The following LHX9 variants were observed in gnomAD, a reference collection of about 807,000 sequenced individuals.
LHX9 encodes the protein LIM homeobox 9, also known as LIM/homeobox protein Lhx9.
LHX9 carries 9 observed loss-of-function variants against 36.5 expected under a neutral mutation model. The ratio of observed to expected loss-of-function variants is 0.25; its 90% CI spans 0.15 to 0.43. LHX9 has a LOEUF of 0.43. Among genes scored for constraint, LHX9 ranks in the 20% least tolerant of loss-of-function variants. The pLI is 1.00. For synonymous variants in LHX9, 211 were observed against 212.1 expected, an observed-to-expected ratio of 0.99 and a Z score of 0.04; for missense variants, 464 against 526.4, an observed-to-expected ratio of 0.88 and a Z score of 1.16.
At position 197,921,714 on chromosome 1, in the gene LHX9, G is replaced by T; in HGVS notation, c.733+55G>T. The T allele has an allele frequency of 1.4e-6, 2 of 1,397,338 alleles. No homozygotes were observed. Among genetic ancestry groups the T allele is most frequent in the African/African-American group, 1.4e-5 (1 of 70,036 alleles). The allele number at this position is 1,397,338 out of a possible 1,614,324, so 86.6% of individuals were successfully genotyped here. On this transcript the variant is annotated intron_variant, in intron 3 of 4. Transcript: ENST00000367387. The surrounding 1 kb of genome is among the most constrained non-coding windows in gnomAD (Gnocchi z 4.6). Reference sequence around the variant, plus strand: ...GCCCCGGCCTCCCTGAGGAAAATTCGTAGAGCTCCTTCCCCGTCCAAAGTC... The same window carrying T: ...GCCCCGGCCTCCCTGAGGAAAATTCTTAGAGCTCCTTCCCCGTCCAAAGTC...
At chr1:197,919,899 C>T in intron 1 of LHX9, 73 bp from the exon 2 acceptor site, 1 of 1,524,148 alleles carries the variant, frequency 6.6e-7, no homozygotes, top group Non-Finnish European at 9.0e-7. Flanking sequence ...GCTTGGTCTG[C>T]CTGGGGGAGA....
chr1:197,925,519 C>A (rs534190215), intron 3 of LHX9, among the ~76,000 whole-genome samples: 2 of 35,768 alleles, frequency 5.6e-5, no homozygotes, highest in South Asian at 5.2e-3. Flanking sequence ...CTAACATGTG[C>A]CCCTTTGACT....
Position 197,921,685 on chromosome 1 carries a change from C to A in LHX9, c.733+26C>A. 5 of 1,519,124 alleles carry A rather than the reference C, an allele frequency of 3.3e-6. No individual in the cohort carries two copies. The highest frequency in any genetic ancestry group is 1.3e-5 in the South Asian group (1 of 79,958). The allele number at this position is 1,519,124 out of a possible 1,614,324, so 94.1% of individuals were successfully genotyped here. On this transcript the variant is annotated intron_variant, in intron 3 of 4. Transcript: ENST00000367387. The surrounding 1 kb of genome is among the most constrained non-coding windows in gnomAD (Gnocchi z 4.6). ...GTGTGCCTCCTATCCTCACCCCCGGCGCAGCCCCGGCCTCCCTGAGGAAAA... is the reference window on the plus strand; with the variant it reads ...GTGTGCCTCCTATCCTCACCCCCGGAGCAGCCCCGGCCTCCCTGAGGAAAA...
chr1:197,927,578 G>C lies in LHX9; in HGVS notation c.734-13G>C. On this transcript the variant is annotated splice_polypyrimidine_tract_variant and intron_variant, in intron 3 of 4. Coordinates refer to ENST00000367387, the MANE Select transcript of LHX9 (RefSeq NM_020204.3). ...TCCACTGAGCAGTTGTTTGTTCACT[G>C]TTACTGCAACAGGTTGTAATGAGAA... 1 of 1,612,578 alleles carries C rather than the reference G, an allele frequency of 6.2e-7. No individual in the cohort carries two copies. Among genetic ancestry groups the C allele is most frequent in the Non-Finnish European group, 8.5e-7 (1 of 1,178,606 alleles).
chr1:197,922,521 C>G (rs1660024143), intron 3 of LHX9, among the ~76,000 whole-genome samples: 1 of 152,186 alleles, frequency 6.6e-6, no homozygotes, highest in African/African-American at 2.4e-5. Flanking sequence ...GCCCCCACTC[C>G]CCATCCTCCA....
chr1:197,916,369 G>C, upstream of LHX9: 2 of 366,230 alleles, frequency 5.5e-6, no homozygotes, highest in Non-Finnish European at 1.0e-5. Flanking sequence ...CTGAGTGTGC[G>C]GGTGCGCCCA....
rs1001871078 is a variant in LHX9 at position 197,933,480 on chromosome 1, A to G, written c.*4221A>G. On this transcript the variant is annotated 3_prime_UTR_variant, in exon 5 of 5. Transcript: ENST00000367387. ...CCTCATTGAAACCTCATCCACAGCT[A>G]TAGCAACTTAAATAGATTTTCCAAT... 18 of 152,166 alleles carry G rather than the reference A, an allele frequency of 1.2e-4. No individual in the cohort carries two copies. Among genetic ancestry groups the G allele is most frequent in the African/African-American group, 3.9e-4 (16 of 41,432 alleles). The allele number at this position is 152,166 out of a possible 1,614,324, so 9.4% of individuals were successfully genotyped here.
At position 197,920,127 on chromosome 1, in the gene LHX9, C is replaced by G; in HGVS notation, c.330C>G (p.Thr110=). The G allele has an allele frequency of 6.2e-7, 1 of 1,614,252 alleles. No homozygotes were observed. Residue 110 remains threonine, a synonymous_variant, in exon 2 of 5, where the codon ACC becomes ACG. Coordinates refer to ENST00000367387, the MANE Select transcript of LHX9 (RefSeq NM_020204.3). ...ECKLALESEL[T]CFAKDGSIYC... is the part of the protein sequence containing the mutation. ...AGCTGGCCCTCGAGTCCGAGCTCACCTGCTTTGCCAAGGACGGTAGCATTT... is the reference window on the plus strand; with the variant it reads ...AGCTGGCCCTCGAGTCCGAGCTCACGTGCTTTGCCAAGGACGGTAGCATTT...
chr1:197,913,281 C>CGCGAAAGG (rs1659668202), upstream of LHX9: 1 of 152,410 alleles, frequency 6.6e-6, no homozygotes, highest in African/African-American at 2.4e-5. Context: ...GCAGAGAACG[C>CGCGAAAGG]GCGAAAGGGC....
chr1:197,920,893 C>G (rs1323148488), intron 2 of LHX9, among the ~76,000 whole-genome samples: 1 of 152,142 alleles, frequency 6.6e-6, no homozygotes, highest in Non-Finnish European at 1.5e-5. Context: ...GCATGCTTTC[C>G]CACACCCGCG....
At position 197,917,876 on chromosome 1, in the gene LHX9, C is replaced by G. The variant is rs1414872029; in HGVS notation, c.53C>G (p.Pro18Arg). 1 of 1,614,138 alleles carries G rather than the reference C, an allele frequency of 6.2e-7. No homozygotes were observed. Among genetic ancestry groups the G allele is most frequent in the Non-Finnish European group, 8.5e-7 (1 of 1,180,056 alleles). The change falls in exon 1 of 5, where the codon CCA becomes CGA. Residue 18 changes from proline to arginine, a missense_variant. Physicochemically the swap from Pro to Arg is moderately radical, Grantham distance 103 (BLOSUM62 -2). Transcript: ENST00000367387. ...GACAACTCGTGTCCTTTCCGCCCCC[C>G]AGCCATGCTCTTTCACGGGATCTCC... ...AEDNSCPFRPPAMLFHGISGG... is the reference protein window; with the variant it reads ...AEDNSCPFRPRAMLFHGISGG...
rs1394991360 is a variant in LHX9, at chr1:197,929,173, A to G, written c.1108A>G (p.Ile370Val). The change falls in exon 5 of 5, where the codon ATC becomes GTC. Residue 370 changes from isoleucine (I) to valine (V), a missense_variant. Physicochemically the swap from Ile to Val is conservative, Grantham distance 29. Coordinates refer to ENST00000367387, the MANE Select transcript of LHX9 (RefSeq NM_020204.3). The stretch of plus-strand genomic sequence containing the variant: ...TTTAACAGACCTGACCAATCCCACT[A>G]TCACTGTAGTGACATCCGTGACCTC... ...TTLTDLTNPT[I>V]TVVTSVTSNM... 1.2e-6 allele frequency: 2 copies of G among 1,611,786 alleles called. No homozygotes were observed. The highest frequency in any genetic ancestry group is 1.7e-6 in the Non-Finnish European group (2 of 1,179,366).
rs1375452758 is a variant in LHX9 at position 197,917,570 on chromosome 1, T to A, written c.-254T>A. ...AAGATTCGCCTTCTACGCCTCTTTT[T>A]CCCTCCGCCCGAATTGTTTGTTTTC... is the stretch of plus-strand genomic sequence containing the variant. On this transcript the variant is annotated 5_prime_UTR_variant, in exon 1 of 5. Coordinates refer to ENST00000367387, the MANE Select transcript of LHX9 (RefSeq NM_020204.3). 11 of 1,491,262 alleles carry A rather than the reference T, an allele frequency of 7.4e-6. No homozygotes were observed. Among genetic ancestry groups the A allele is most frequent in the African/African-American group, 1.4e-5 (1 of 71,174 alleles). 92.4% of individuals were successfully genotyped at this position (1,491,262 alleles called of 1,614,324 possible). A position where few individuals can be genotyped will look rare whatever the true frequency, so the allele number is the denominator to read the frequency against.
rs147043102 is a variant in LHX9 at position 197,921,624 on chromosome 1, C to T, written c.698C>T (p.Pro233Leu). Residue 233 changes from proline (P) to leucine (L), a missense_variant, in exon 3 of 5, where the codon CCA becomes CTA. By Grantham distance (98) the Pro-to-Leu change is moderately conservative. This residue lies in a region of LHX9 where 130 missense variants were observed against 109.6 expected (regional missense o/e 1.19). Coordinates refer to ENST00000367387, the MANE Select transcript of LHX9 (RefSeq NM_020204.3). This position sits in a 1 kb window ranked among gnomAD's most constrained non-coding sequence, Gnocchi z 4.6. Reference protein sequence around the residue: ...QKGRPRKRKSPALGVDIVNYN... With the variant: ...QKGRPRKRKSLALGVDIVNYN... The stretch of plus-strand genomic sequence containing the variant: ...GGGCGGCCCCGGAAGCGGAAGAGCC[C>T]AGCGCTGGGAGTGGACATCGTCAAT... 2.5e-6 allele frequency: 4 copies of T among 1,599,480 alleles called. No individual in the cohort carries two copies. Among genetic ancestry groups the T allele is most frequent in the Non-Finnish European group, 3.4e-6 (4 of 1,175,514 alleles).
rs1659808942 is a variant in LHX9 at position 197,917,616 on chromosome 1, C to T, written c.-208C>T. ...TTTTCTGCACATCTCCTTCAGGGAGCCGCTGAGGCTTCCCCCCAACTCTTC... is the reference window on the plus strand; with the variant it reads ...TTTTCTGCACATCTCCTTCAGGGAGTCGCTGAGGCTTCCCCCCAACTCTTC... On this transcript the variant is annotated 5_prime_UTR_variant, in exon 1 of 5. Coordinates refer to ENST00000367387, the MANE Select transcript of LHX9 (RefSeq NM_020204.3). 3 of 1,509,210 alleles carry T rather than the reference C, an allele frequency of 2.0e-6. No homozygotes were observed. Among genetic ancestry groups the T allele is most frequent in the African/African-American group, 2.8e-5 (2 of 70,840 alleles). The allele number at this position is 1,509,210 out of a possible 1,614,324, so 93.5% of individuals were successfully genotyped here.
chr1:197,931,824 C>A lies in LHX9; in HGVS notation c.*2565C>A. 2 of 817,142 alleles carry A rather than the reference C, an allele frequency of 2.4e-6. No individual in the cohort carries two copies. Among genetic ancestry groups the A allele is most frequent in the South Asian group, 1.6e-5 (1 of 60,702 alleles). 50.6% of individuals were successfully genotyped at this position (817,142 alleles called of 1,614,324 possible). On this transcript the variant is annotated 3_prime_UTR_variant, in exon 5 of 5. Coordinates refer to ENST00000367387, the MANE Select transcript of LHX9 (RefSeq NM_020204.3). ...AAGATTTCATGTTAGGTCTATTGAGCACAAATGGATATTTGTAAATCTAAA... is the reference window on the plus strand; with the variant it reads ...AAGATTTCATGTTAGGTCTATTGAGAACAAATGGATATTTGTAAATCTAAA...
upstream of LHX9, among the ~76,000 whole-genome samples, chr1:197,913,533 T>G (rs970764202): frequency 1.8e-4 from 28 of 152,116 alleles, no homozygotes; most frequent in African/African-American, 6.8e-4. Context: ...ATGGAGTATC[T>G]CAGTCTCCAC....
At chr1:197,918,938 C>T (rs1391632371) in intron 1 of LHX9, among the ~76,000 whole-genome samples, 1 of 151,930 alleles carries the variant, frequency 6.6e-6, no homozygotes, top group South Asian at 2.1e-4. Flanking sequence ...GTTTTGGGTC[C>T]GGCCAAGTAG....
chr1:197,924,748 A>G (rs986271676), intron 3 of LHX9, among the ~76,000 whole-genome samples: 1 of 152,192 alleles, frequency 6.6e-6, no homozygotes, highest in African/African-American at 2.4e-5. Flanking sequence ...TCAGAAGGTT[A>G]CATACCTTCA....
Sources: gnomAD v4.1 joint callset for allele counts (sites outside exome capture counted in the v4.1 genomes callset) on GRCh38, gnomAD v4.1.1 for gene constraint, gnomAD v4.1.1 regional missense constraint, Gnocchi (gnomAD v3.1) non-coding constraint, MANE v1.5 for transcripts, NCBI Gene and HGNC (gene_info 2026-07-23, HGNC 2026-07-21) for gene names.